MAGI2: variants seen among roughly 807,000 people sequenced by gnomAD.
MAGI2 encodes the protein membrane-associated guanylate kinase, WW and PDZ domain-containing protein 2.
In MAGI2, 35 loss-of-function variants were observed where a neutral mutation model predicts 133.3. That is an observed-to-expected ratio of 0.26 (90% CI 0.20 to 0.35). MAGI2 has a LOEUF of 0.35. Among genes scored for constraint, MAGI2 ranks in the 10% least tolerant of loss-of-function variants. The probability of loss-of-function intolerance (pLI) is 1.00; values close to 1 mark genes in which losing one functional copy is unlikely to be tolerated. For missense variants in MAGI2, 1,636 were observed against 1,863.4 expected, an observed-to-expected ratio of 0.88 and a Z score of 2.25; for synonymous variants, 729 against 710.6, an observed-to-expected ratio of 1.03 and a Z score of -0.41.
At chr7:78,353,741 G>A (rs1230011492) in intron 7 of MAGI2, among the ~76,000 whole-genome samples, 1 of 152,132 alleles carries the variant, frequency 6.6e-6, no homozygotes, top group South Asian at 2.1e-4. Flanking sequence ...ATATAGAGGT[G>A]CTCAATAATA....
chr7:79,256,042 T>A (rs972579022), intron 1 of MAGI2, among the ~76,000 whole-genome samples: 2 of 152,158 alleles, frequency 1.3e-5, no homozygotes, highest in African/African-American at 2.4e-5. Context: ...AGAAGGCACA[T>A]TGTACAATTG....
chr7:78,223,856 T>C (rs536733469), intron 10 of MAGI2, among the ~76,000 whole-genome samples: 1 of 152,188 alleles, frequency 6.6e-6, no homozygotes, highest in South Asian at 2.1e-4. Flanking sequence ...ATCACTATTA[T>C]ATTCATCATC....
intron 9 of MAGI2, among the ~76,000 whole-genome samples, chr7:78,325,707 C>G (rs577548233): frequency 1.3e-3 from 198 of 152,312 alleles, no homozygotes; most frequent in African/African-American, 4.6e-3. Context: ...GGACCCCACT[C>G]TCATCCTGCC....
chr7:79,297,980 C>A (rs192971386), intron 1 of MAGI2, among the ~76,000 whole-genome samples: 1 of 152,156 alleles, frequency 6.6e-6, no homozygotes, highest in Non-Finnish European at 1.5e-5. Flanking sequence ...GCTGCTGATA[C>A]CTTTTTGTCT....
chr7:79,257,796 T>C (rs1833797755), intron 1 of MAGI2, among the ~76,000 whole-genome samples: 1 of 152,062 alleles, frequency 6.6e-6, no homozygotes. Context: ...GTCACTATGC[T>C]ACTCACGAGA....
chr7:78,476,085 G>T (rs780551504), intron 6 of MAGI2, among the ~76,000 whole-genome samples: 1 of 151,768 alleles, frequency 6.6e-6, no homozygotes, highest in South Asian at 2.1e-4. Context: ...ATTTTTCATG[G>T]CAAATAATTT....
chr7:79,039,568 G>C (rs966117830), intron 1 of MAGI2, among the ~76,000 whole-genome samples: 1 of 151,750 alleles, frequency 6.6e-6, no homozygotes, highest in African/African-American at 2.4e-5. Flanking sequence ...AGAGTGAAGA[G>C]ACAACCTACA....
chr7:79,365,224 A>C (rs369526102), intron 1 of MAGI2, among the ~76,000 whole-genome samples: 1 of 152,336 alleles, frequency 6.6e-6, no homozygotes, highest in African/African-American at 2.4e-5. Flanking sequence ...AAATTTAAAA[A>C]TGGTGACAAT....
At chr7:78,671,896 T>C (rs1243188623) in intron 2 of MAGI2, among the ~76,000 whole-genome samples, 1 of 152,210 alleles carries the variant, frequency 6.6e-6, no homozygotes. Context: ...TTCTATGTGA[T>C]GACATTAATT....
chr7:78,161,529 T>A (rs1824974829), intron 15 of MAGI2, among the ~76,000 whole-genome samples: 1 of 151,980 alleles, frequency 6.6e-6, no homozygotes, highest in African/African-American at 2.4e-5. Flanking sequence ...TGGAAGTTGT[T>A]GCATATGGCA....
chr7:79,115,868 T>A (rs891942700), intron 1 of MAGI2, among the ~76,000 whole-genome samples: 11 of 149,386 alleles, frequency 7.4e-5, no homozygotes, highest in African/African-American at 2.0e-4. Flanking sequence ...TTTTTTTTTT[T>A]TTTTTTTTTT....
chr7:78,291,146 G>A (rs1459715938), intron 9 of MAGI2, among the ~76,000 whole-genome samples: 3 of 152,120 alleles, frequency 2.0e-5, no homozygotes, highest in African/African-American at 7.2e-5. Flanking sequence ...TATGGGAGCT[G>A]GTTTTTTGAA....
intron 2 of MAGI2, among the ~76,000 whole-genome samples, chr7:78,959,892 C>T (rs969973451): frequency 7.9e-5 from 12 of 152,202 alleles, no homozygotes; most frequent in Non-Finnish European, 1.3e-4. Flanking sequence ...TGTGCAATTT[C>T]GATACCTGCT....
At chr7:78,314,157 TCA>T (rs1168367363) in intron 9 of MAGI2, among the ~76,000 whole-genome samples, 1 of 152,164 alleles carries the variant, frequency 6.6e-6, no homozygotes, top group African/African-American at 2.4e-5. Context: ...TGTAATGGAC[TCA>T]CACTGCATTA....
intron 1 of MAGI2, chr7:79,415,357 GCA>G (rs1442306546): frequency 2.6e-5 from 4 of 152,150 alleles, no homozygotes; most frequent in Non-Finnish European, 5.9e-5. Context: ...GCTGGAAATA[GCA>G]CAGTCTTGAG....
chr7:78,067,684 A>G (rs1288724120), intron 21 of MAGI2, among the ~76,000 whole-genome samples: 1 of 152,240 alleles, frequency 6.6e-6, no homozygotes, highest in South Asian at 2.1e-4. Flanking sequence ...TCTTAAGTTT[A>G]GAGATTTTGT....
intron 2 of MAGI2, among the ~76,000 whole-genome samples, chr7:78,968,035 T>C (rs1803481916): frequency 6.6e-6 from 1 of 152,076 alleles, no homozygotes; most frequent in Admixed American, 6.6e-5. Context: ...TTCACCATGT[T>C]GGCCAGGCTG....
intron 6 of MAGI2, among the ~76,000 whole-genome samples, chr7:78,406,726 C>A (rs1189383639): frequency 6.6e-6 from 1 of 152,012 alleles, no homozygotes; most frequent in East Asian, 1.9e-4. Context: ...TCAGGAGAGC[C>A]ATTTTACCAC....
At chr7:79,225,924 TTA>T (rs1324685716) in intron 1 of MAGI2, among the ~76,000 whole-genome samples, 1 of 152,140 alleles carries the variant, frequency 6.6e-6, no homozygotes, top group Non-Finnish European at 1.5e-5. Context: ...TATGAGATAA[TTA>T]TATCCCAACA....
Sources: allele counts gnomAD v4.1 joint callset (sites outside exome capture counted in the v4.1 genomes callset), GRCh38; gene constraint gnomAD v4.1.1; transcripts MANE v1.5; gene names NCBI Gene and HGNC (gene_info 2026-07-23, HGNC 2026-07-21).